The following CSMD1 variants were observed in gnomAD, a reference collection of about 807,000 sequenced individuals.
CSMD1 encodes the protein CUB and Sushi multiple domains 1.
Under a neutral mutation model 417.5 loss-of-function variants are expected in CSMD1, and 213 were observed. The ratio of observed to expected loss-of-function variants is 0.51; its 90% CI spans 0.46 to 0.57. The LOEUF is 0.57. Among genes scored for constraint, CSMD1 ranks in the 20% least tolerant of loss-of-function variants. The pLI, the probability that CSMD1 is intolerant of heterozygous loss-of-function variation, is 0.00. For synonymous variants in CSMD1, 2,862 were observed against 1,736.8 expected, an observed-to-expected ratio of 1.65 and a Z score of -16.11; for missense variants, 6,923 against 4,529.7, an observed-to-expected ratio of 1.53 and a Z score of -15.17.
intron 1 of CSMD1, among the ~76,000 whole-genome samples, chr8:4,709,163 G>A (rs1315224319): frequency 6.6e-6 from 1 of 152,182 alleles, no homozygotes; most frequent in Non-Finnish European, 1.5e-5. Context: ...TAGCAATATG[G>A]TGTTTGATGC....
chr8:3,675,493 C>G (rs1048460644), intron 7 of CSMD1, among the ~76,000 whole-genome samples: 1 of 152,148 alleles, frequency 6.6e-6, no homozygotes, highest in African/African-American at 2.4e-5. Flanking sequence ...TGTGTCCCAC[C>G]AAAATTCATA....
intron 8 of CSMD1, among the ~76,000 whole-genome samples, chr8:3,597,155 G>T (rs923073227): frequency 9.2e-5 from 14 of 152,236 alleles, no homozygotes; most frequent in African/African-American, 3.4e-4. Flanking sequence ...AAAATCAGAG[G>T]GAATCAATGC....
At position 4,445,259 on chromosome 8, in the gene CSMD1, A is replaced by G. The variant is rs142918029; in HGVS notation, c.303-25194T>C. ...TTTTTCTCTTGTTCTCTTTCTAGCCATATGTTCTCTGTCATTACCTATGAC... is the reference window on the plus strand; with the variant it reads ...TTTTTCTCTTGTTCTCTTTCTAGCCGTATGTTCTCTGTCATTACCTATGAC... On this transcript the variant is annotated intron_variant, in intron 2 of 69. Transcript: ENST00000635120. 5.4e-3 allele frequency among the ~76,000 whole-genome samples: 816 copies of G among 152,176 alleles called. 9 individuals are homozygous for G. Among genetic ancestry groups the G allele is most frequent in the African/African-American group, 0.019 (782 of 41,510 alleles).
intron 7 of CSMD1, among the ~76,000 whole-genome samples, chr8:3,635,249 G>C (rs1796976260): frequency 6.6e-6 from 1 of 152,012 alleles, no homozygotes; most frequent in African/African-American, 2.4e-5. Flanking sequence ...TCCTAGGTGG[G>C]TGGATCATGA....
At chr8:3,905,825 GGGCCTGGCATTCTAGTTCCTTCC>G (rs1180180144) in intron 5 of CSMD1, among the ~76,000 whole-genome samples, 9 of 152,144 alleles carry the variant, frequency 5.9e-5, no homozygotes, top group African/African-American at 2.2e-4. Flanking sequence ...CCAAACATCT[GGGCCTGGCATTCTAGTTCCTTCC>G]GGACTGTGGA....
At chr8:3,744,572 G>A (rs1046254758) in intron 6 of CSMD1, among the ~76,000 whole-genome samples, 1 of 152,178 alleles carries the variant, frequency 6.6e-6, no homozygotes, top group Non-Finnish European at 1.5e-5. Context: ...TGACTAGTTT[G>A]TCAATGTAAA....
chr8:4,756,643 T>A lies in CSMD1; in HGVS notation c.86-119085A>T, dbSNP rs183252487. The stretch of plus-strand genomic sequence containing the variant: ...CTAATTGTCTCACTCCAGGATTAAC[T>A]TCGCCCTGGAGGATCAGAAAAAATA... On this transcript the variant is annotated intron_variant, in intron 1 of 69. Transcript: ENST00000635120. 7.2e-5 allele frequency among the ~76,000 whole-genome samples: 11 copies of A among 152,314 alleles called. No homozygotes were observed. The East Asian group carries it at 1.9e-3, about 27-fold the overall frequency.
At chr8:3,867,696 C>T (rs374567533) in intron 5 of CSMD1, among the ~76,000 whole-genome samples, 1 of 152,096 alleles carries the variant, frequency 6.6e-6, no homozygotes, top group Admixed American at 6.6e-5. Context: ...ATGTACTACA[C>T]TTAACTCATG....
chr8:2,994,145 C>CA lies in CSMD1; in HGVS notation c.8377+3865dup, dbSNP rs35438493. The stretch of plus-strand genomic sequence containing the variant: ...TGGGCAACAGAGCAAAACTCCATCT[C>CA]AAAAAAAAAAAAAAAAAAAAAAAAA... On this transcript the variant is annotated intron_variant, in intron 54 of 69. Transcript: ENST00000635120. Among the ~76,000 whole-genome samples the CA allele has an allele frequency of 5.4e-3, 164 of 30,532 alleles. 11 individuals are homozygous for CA. The highest frequency in any genetic ancestry group is 6.8e-3 in the Non-Finnish European group (144 of 21,104). The allele number at this position is 30,532 out of a possible 152,430, so 20.0% of individuals were successfully genotyped here.
chr8:4,842,369 C>G (rs913640117), intron 1 of CSMD1, among the ~76,000 whole-genome samples: 1 of 152,164 alleles, frequency 6.6e-6, no homozygotes, highest in African/African-American at 2.4e-5. Context: ...ATTAAAACTT[C>G]TTCTTAATTT....
At chr8:3,366,954 A>G (rs4875702) in intron 20 of CSMD1, 78 bp downstream of exon 20, 21 of 1,091,026 alleles carry the variant, frequency 1.9e-5, no homozygotes, top group Non-Finnish European at 2.9e-5. Flanking sequence ...ACACACACAC[A>G]CACCCACACA....
chr8:3,194,858 G>A (rs999022562), intron 33 of CSMD1, among the ~76,000 whole-genome samples: 1 of 152,028 alleles, frequency 6.6e-6, no homozygotes, highest in African/African-American at 2.4e-5. Context: ...CCTGAGCCTG[G>A]GATGCAGGTG....
intron 34 of CSMD1, 98 bp downstream of exon 34, chr8:3,189,814 G>C: frequency 8.9e-7 from 1 of 1,129,486 alleles, no homozygotes; most frequent in Non-Finnish European, 1.3e-6. Context: ...TGGGTCATGA[G>C]CCAGATGGAT....
chr8:4,515,960 C>G (rs1157613367), intron 2 of CSMD1, among the ~76,000 whole-genome samples: 1 of 152,146 alleles, frequency 6.6e-6, no homozygotes. Flanking sequence ...GCATACCCTG[C>G]AAAACTTCAC....
chr8:4,069,096 G>C (rs1421547504), intron 3 of CSMD1, among the ~76,000 whole-genome samples: 2 of 152,116 alleles, frequency 1.3e-5, no homozygotes, highest in East Asian at 3.9e-4. Flanking sequence ...CTTTGTCATG[G>C]ACTCCATTTT....
chr8:3,930,307 G>C (rs530143751), intron 5 of CSMD1, among the ~76,000 whole-genome samples: 9 of 150,292 alleles, frequency 6.0e-5, no homozygotes, highest in Admixed American at 1.3e-4. Flanking sequence ...TTTATTCAAA[G>C]ACCTGTGCTA....
At chr8:3,553,738 G>A (rs1347253711) in intron 10 of CSMD1, among the ~76,000 whole-genome samples, 1 of 152,144 alleles carries the variant, frequency 6.6e-6, no homozygotes, top group Non-Finnish European at 1.5e-5. Flanking sequence ...ATGTGAAGTA[G>A]ACATATAAAT....
intron 25 of CSMD1, chr8:3,284,739 C>T (rs116024998): frequency 2.1e-5 from 4 of 188,040 alleles, no homozygotes; most frequent in Non-Finnish European, 3.4e-5. Context: ...TCGGTGCAGT[C>T]AGTGTTGTTC....
intron 13 of CSMD1, 34 bp from the exon 14 acceptor site, chr8:3,408,259 T>A (rs759469315): frequency 1.3e-6 from 2 of 1,493,490 alleles, no homozygotes; most frequent in Non-Finnish European, 1.8e-6. Flanking sequence ...CAAACAGTTA[T>A]GCACATATCC....
Sources: allele counts gnomAD v4.1 joint callset (sites outside exome capture counted in the v4.1 genomes callset), GRCh38; gene constraint gnomAD v4.1.1; transcripts MANE v1.5; gene names NCBI Gene and HGNC (gene_info 2026-07-23, HGNC 2026-07-21).